Variants in ENOX1 observed in about 807,000 individuals in gnomAD.
ENOX1 encodes ecto-NOX disulfide-thiol exchanger 1, also known as candidate growth-related and time keeping constitutive hydroquinone (NADH) oxidase.
In ENOX1, 42 loss-of-function variants were observed where a neutral mutation model predicts 82.5. The observed-to-expected ratio is 0.51, with a 90% CI of 0.40 to 0.66. The LOEUF (loss-of-function observed/expected upper bound fraction) is 0.66. Ranked by LOEUF, ENOX1 falls within the 30% of genes least tolerant of loss-of-function variation. The pLI is 0.00. For missense variants in ENOX1, 608 were observed against 811.6 expected, an observed-to-expected ratio of 0.75 and a Z score of 3.05; for synonymous variants, 271 against 282.2, an observed-to-expected ratio of 0.96 and a Z score of 0.40.
At chr13:43,699,532 G>A (rs2086808515) in intron 1 of ENOX1, among the ~76,000 whole-genome samples, 1 of 152,152 alleles carries the variant, frequency 6.6e-6, no homozygotes, top group South Asian at 2.1e-4. Flanking sequence ...TTTCTATAGG[G>A]AATAAGAACA....
chr13:43,683,952 G>A (rs2085927283), intron 1 of ENOX1, among the ~76,000 whole-genome samples: 1 of 152,020 alleles, frequency 6.6e-6, no homozygotes, highest in Non-Finnish European at 1.5e-5. Flanking sequence ...AGCTAATGAA[G>A]ATGTACATGT....
chr13:43,781,453 T>C (rs1952251446), intron 1 of ENOX1, among the ~76,000 whole-genome samples: 1 of 152,158 alleles, frequency 6.6e-6, no homozygotes, highest in South Asian at 2.1e-4. Context: ...AAAATCTGAA[T>C]ACATTATTTT....
At chr13:43,406,377 G>A (rs1257766311) in intron 5 of ENOX1, among the ~76,000 whole-genome samples, 4 of 152,064 alleles carry the variant, frequency 2.6e-5, no homozygotes, top group Non-Finnish European at 5.9e-5. Context: ...TATGAGCCAA[G>A]GAACACTTAA....
Position 43,338,936 on chromosome 13 carries a change from T to C in ENOX1, c.1036+5602A>G, listed in dbSNP as rs375529052. Among the ~76,000 whole-genome samples, 1,388 of 152,184 alleles carry C rather than the reference T, an allele frequency of 9.1e-3. 19 individuals are homozygous for C. Among genetic ancestry groups the C allele is most frequent in the South Asian group, 0.03 (145 of 4,816 alleles). On this transcript the variant is annotated intron_variant, in intron 9 of 16. Coordinates refer to ENST00000690772, the MANE Select transcript of ENOX1 (RefSeq NM_001347969.2). ...TCCTGACCTCGTGATCCGCCCGCCT[T>C]GGCCTCCCAAAGTGCTGGGATTACA...
chr13:43,635,780 G>A (rs7986998), intron 2 of ENOX1, among the ~76,000 whole-genome samples: 107,772 of 152,026 alleles, frequency 0.71, 38,453 homozygotes, highest in East Asian at 0.95. Flanking sequence ...GAGAGAGAGC[G>A]AGCGAGCACA....
At chr13:43,567,860 A>G (rs944051506) in intron 2 of ENOX1, among the ~76,000 whole-genome samples, 1 of 152,230 alleles carries the variant, frequency 6.6e-6, no homozygotes, top group African/African-American at 2.4e-5. Context: ...GTTGAATTGC[A>G]TACATGCCTT....
At chr13:43,665,367 A>G (rs2084927071) in intron 2 of ENOX1, among the ~76,000 whole-genome samples, 1 of 152,200 alleles carries the variant, frequency 6.6e-6, no homozygotes, top group Non-Finnish European at 1.5e-5. Flanking sequence ...TATCCTAATA[A>G]TTTATCAACA....
At chr13:43,445,944 C>T (rs775804161) in intron 3 of ENOX1, among the ~76,000 whole-genome samples, 9 of 152,158 alleles carry the variant, frequency 5.9e-5, no homozygotes, top group Non-Finnish European at 1.0e-4. Flanking sequence ...CTTTTCATTG[C>T]TTTCTTTCTG....
chr13:43,612,755 T>C (rs1365485004), intron 2 of ENOX1, among the ~76,000 whole-genome samples: 2 of 152,214 alleles, frequency 1.3e-5, no homozygotes, highest in Non-Finnish European at 2.9e-5. Flanking sequence ...AATAAATCAG[T>C]AGCAAGCATT....
intron 3 of ENOX1, among the ~76,000 whole-genome samples, chr13:43,419,020 A>T (rs759138365): frequency 1.3e-5 from 2 of 152,182 alleles, no homozygotes; most frequent in African/African-American, 2.4e-5. Context: ...TCTACTAAAA[A>T]TACAAAACTT....
In ENOX1 at chr13:43,236,658, T is replaced by G; in HGVS notation, c.1692A>C (p.Ser564=). 6.3e-7 allele frequency: 1 copy of G among 1,583,654 alleles called. No homozygotes were observed. Among genetic ancestry groups the G allele is most frequent in the Non-Finnish European group, 8.5e-7 (1 of 1,171,964 alleles). ...TACCTATTAGCAGAGCTTCTTTCTC[T>G]GATTTTAAGCCTTGGCTTCTTTTCT... ...NIEKRSQGLK[S]EKEALLIGII... is the part of the protein sequence containing the mutation. Residue 564 remains serine (S), a synonymous_variant, in exon 15 of 17, where the codon TCA becomes TCC. Transcript: ENST00000690772.
At chr13:43,368,162 T>C (rs1338490048) in intron 5 of ENOX1, among the ~76,000 whole-genome samples, 2 of 152,232 alleles carry the variant, frequency 1.3e-5, no homozygotes, top group African/African-American at 2.4e-5. Context: ...ATGTTTTTCA[T>C]TTAAACCTAA....
chr13:43,771,341 T>C (rs1348216403), intron 1 of ENOX1, among the ~76,000 whole-genome samples: 1 of 152,112 alleles, frequency 6.6e-6, no homozygotes, highest in Non-Finnish European at 1.5e-5. Context: ...CATCTTTTTT[T>C]GTGTGGGATA....
Position 43,582,645 on chromosome 13 carries a change from C to T in ENOX1, c.-219+84834G>A, listed in dbSNP as rs188165874. ...CTGGAGTGCAGTGGTGCCATCATGG[C>T]TCACTGCACACTCAACCTCCCAGGC... On this transcript the variant is annotated intron_variant, in intron 2 of 16. Transcript: ENST00000690772. Among the ~76,000 whole-genome samples, 436 of 152,154 alleles carry T rather than the reference C, an allele frequency of 2.9e-3. 4 individuals are homozygous for T. The highest frequency in any genetic ancestry group is 0.01 in the African/African-American group (416 of 41,484).
chr13:43,318,305 A>C (rs530637355), intron 11 of ENOX1, among the ~76,000 whole-genome samples: 1 of 152,328 alleles, frequency 6.6e-6, no homozygotes, highest in East Asian at 1.9e-4. Context: ...TTTATAATAA[A>C]TTTAATTTAC....
chr13:43,753,293 T>G (rs1422017669), intron 1 of ENOX1, among the ~76,000 whole-genome samples: 5 of 152,250 alleles, frequency 3.3e-5, no homozygotes, highest in Non-Finnish European at 7.3e-5. Context: ...AGACTTTTTA[T>G]CAAATACAAG....
chr13:43,267,309 T>C (rs530561412), intron 13 of ENOX1, among the ~76,000 whole-genome samples: 1 of 152,334 alleles, frequency 6.6e-6, no homozygotes, highest in African/African-American at 2.4e-5. Context: ...GTAAATGAGA[T>C]GAAAGGCAGG....
intron 7 of ENOX1, among the ~76,000 whole-genome samples, chr13:43,356,448 C>G (rs916077473): frequency 6.6e-6 from 1 of 152,128 alleles, no homozygotes; most frequent in Non-Finnish European, 1.5e-5. Flanking sequence ...GAACTAGGGT[C>G]TTATCATGAT....
At chr13:43,483,662 A>G (rs947010641) in intron 3 of ENOX1, among the ~76,000 whole-genome samples, 6 of 152,222 alleles carry the variant, frequency 3.9e-5, no homozygotes, top group Non-Finnish European at 8.8e-5. Flanking sequence ...AAGGTCTTAA[A>G]CAATTGAAAG....
Sources: gnomAD v4.1 joint callset for allele counts (sites outside exome capture counted in the v4.1 genomes callset) on GRCh38, gnomAD v4.1.1 for gene constraint, MANE v1.5 for transcripts, NCBI Gene and HGNC (gene_info 2026-07-23, HGNC 2026-07-21) for gene names.